The following GLRB variants were observed in gnomAD, a reference collection of about 807,000 sequenced individuals.
GLRB encodes the protein glycine receptor subunit beta.
GLRB carries 33 observed loss-of-function variants against 54.2 expected under a neutral mutation model. That is an observed-to-expected ratio of 0.61 (90% confidence interval 0.46 to 0.81). The LOEUF is 0.81. GLRB is among the 40% of genes least tolerant of loss of function. GLRB has a pLI of 0.00. For missense variants in GLRB, 572 were observed against 584.6 expected (o/e 0.98, Z 0.22); for synonymous variants, 209 against 208.2 (o/e 1.00, Z -0.03).
chr4:157,090,364 G>A (rs192885619), intron 2 of GLRB, among the ~76,000 whole-genome samples: 2 of 152,292 alleles, frequency 1.3e-5, no homozygotes, highest in African/African-American at 4.8e-5. Flanking sequence ...TTGTTTAACG[G>A]TAGCAAATCA....
intron 8 of GLRB, among the ~76,000 whole-genome samples, chr4:157,149,841 T>G (rs1736951907): frequency 2.0e-5 from 3 of 152,040 alleles, no homozygotes; most frequent in Admixed American, 6.6e-5. Context: ...TTCTTTTCCT[T>G]TCTTTCTTCC....
intron 2 of GLRB, among the ~76,000 whole-genome samples, chr4:157,107,199 C>G (rs757139768): frequency 6.6e-6 from 1 of 152,034 alleles, no homozygotes; most frequent in Admixed American, 6.6e-5. Flanking sequence ...TTCTTATGCT[C>G]TGAGATACAA....
chr4:157,142,672 C>A (rs918754463), intron 7 of GLRB, among the ~76,000 whole-genome samples: 25 of 152,120 alleles, frequency 1.6e-4, no homozygotes, highest in Non-Finnish European at 2.8e-4. Flanking sequence ...TGTTTTTAAA[C>A]TGTAAAATAG....
rs34144061 is a variant in GLRB at position 157,103,939 on chromosome 4, T to TTGTGTG, written c.123-16599_123-16594dup. 5.7e-3 allele frequency among the ~76,000 whole-genome samples: 846 copies of TTGTGTG among 148,622 alleles called. 8 individuals carry two copies. Among genetic ancestry groups the TTGTGTG allele is most frequent in the African/African-American group, 0.019 (776 of 40,768 alleles). ...ATCAGTTTTAACTGTGTGTGTGTGT[T>TTGTGTG]TGTGTGTGTGTGTGTGTGTGTGTAG... On this transcript the variant is annotated intron_variant, in intron 2 of 9. Coordinates refer to ENST00000264428, the MANE Select transcript of GLRB (RefSeq NM_000824.5).
chr4:157,147,761 C>G (rs1298069431), intron 8 of GLRB, among the ~76,000 whole-genome samples: 1 of 151,928 alleles, frequency 6.6e-6, no homozygotes, highest in East Asian at 1.9e-4. Flanking sequence ...TGCATTTGCC[C>G]CAAAGGTAAG....
At chr4:157,158,230 AG>A (rs1222418588) in intron 9 of GLRB, among the ~76,000 whole-genome samples, 1 of 152,032 alleles carries the variant, frequency 6.6e-6, no homozygotes, top group Non-Finnish European at 1.5e-5. Flanking sequence ...CCCGGATATT[AG>A]CCCTTTGTCA....
At chr4:157,169,461 G>T (rs1045107414) in intron 9 of GLRB, among the ~76,000 whole-genome samples, 5 of 152,012 alleles carry the variant, frequency 3.3e-5, no homozygotes, top group African/African-American at 4.8e-5. Context: ...TTGTATCTGT[G>T]GGGAATTGGT....
At chr4:157,139,043 A>G (rs1049658140) in intron 7 of GLRB, 94 bp downstream of exon 7, 1 of 697,322 alleles carries the variant, frequency 1.4e-6, no homozygotes. Context: ...GAAGTGGCCA[A>G]AACTTAAAAT....
chr4:157,084,587 G>A lies in GLRB; in HGVS notation c.122+6441G>A, dbSNP rs964239949. 6.6e-6 allele frequency: 3 copies of A among 455,834 alleles called. No homozygotes were observed. In the Admixed American group the frequency reaches 7.1e-5, roughly 11 times the overall value. The allele number at this position is 455,834 out of a possible 1,614,324, so 28.2% of individuals were successfully genotyped here. On this transcript the variant is annotated intron_variant, in intron 2 of 9. Transcript: ENST00000264428. ...TTGAGAAAATGTGATTTCTTTGTTA[G>A]TTTTTTCATAAACTAAAAATTGTGT... is the stretch of plus-strand genomic sequence containing the variant.
chr4:157,111,759 C>G (rs1427545418), intron 2 of GLRB, among the ~76,000 whole-genome samples: 1 of 151,838 alleles, frequency 6.6e-6, no homozygotes, highest in South Asian at 2.1e-4. Flanking sequence ...GAGTCATATG[C>G]AGTCCCTCAT....
At chr4:157,116,034 G>A (rs889279922) in intron 2 of GLRB, among the ~76,000 whole-genome samples, 9 of 151,634 alleles carry the variant, frequency 5.9e-5, no homozygotes, top group Admixed American at 4.6e-4. Flanking sequence ...TGTGCACTGT[G>A]GTCACTGAAG....
At chr4:157,102,625 T>A (rs904092443) in intron 2 of GLRB, among the ~76,000 whole-genome samples, 3 of 152,128 alleles carry the variant, frequency 2.0e-5, no homozygotes, top group African/African-American at 7.2e-5. Context: ...ATTACAATCT[T>A]CAGGCAGGAA....
chr4:157,118,979 G>A (rs1459113096), intron 2 of GLRB, among the ~76,000 whole-genome samples: 1 of 151,538 alleles, frequency 6.6e-6, no homozygotes, highest in African/African-American at 2.4e-5. Flanking sequence ...AAGACTTTAT[G>A]AGGGGTAAAA....
chr4:157,082,947 G>A (rs1308631168), intron 2 of GLRB, among the ~76,000 whole-genome samples: 1 of 142,762 alleles, frequency 7.0e-6, no homozygotes, highest in Non-Finnish European at 1.5e-5. Context: ...ATAATTATCA[G>A]ACAAATGAAT....
At chr4:157,128,788 G>A (rs1736109837) in intron 4 of GLRB, among the ~76,000 whole-genome samples, 1 of 151,738 alleles carries the variant, frequency 6.6e-6, no homozygotes. Flanking sequence ...AGGCATTTGG[G>A]TAACTTGCAA....
intron 2 of GLRB, among the ~76,000 whole-genome samples, chr4:157,085,211 T>C (rs2126432243): frequency 6.6e-6 from 1 of 152,178 alleles, no homozygotes; most frequent in South Asian, 2.1e-4. Flanking sequence ...CATGTTCAAT[T>C]TTTTTTTCAC....
chr4:157,078,314 A>T, intron 2 of GLRB, 168 bp downstream of exon 2: 3 of 661,930 alleles, frequency 4.5e-6, no homozygotes, highest in Non-Finnish European at 5.6e-6. Context: ...TTAGAATGTA[A>T]GAATTAATTC....
chr4:157,082,930 T>C (rs1378571328), intron 2 of GLRB, among the ~76,000 whole-genome samples: 3 of 149,640 alleles, frequency 2.0e-5, no homozygotes, highest in Non-Finnish European at 3.0e-5. Flanking sequence ...GGGAAAAATA[T>C]TACATAATAA....
At chr4:157,088,040 A>G (rs963840047) in intron 2 of GLRB, among the ~76,000 whole-genome samples, 5 of 152,156 alleles carry the variant, frequency 3.3e-5, no homozygotes, top group East Asian at 1.9e-4. Flanking sequence ...AATGATGTAA[A>G]TATGAAATAA....
Sources: gnomAD v4.1 joint callset for allele counts (sites outside exome capture counted in the v4.1 genomes callset) on GRCh38, gnomAD v4.1.1 for gene constraint, MANE v1.5 for transcripts, NCBI Gene and HGNC (gene_info 2026-07-23, HGNC 2026-07-21) for gene names.